Variants in DGKB observed in about 807,000 individuals in gnomAD.
DGKB encodes 90 kDa diacylglycerol kinase.
Under a neutral mutation model 114.3 loss-of-function variants are expected in DGKB, and 67 were observed. That is an observed-to-expected ratio of 0.59 (90% CI 0.48 to 0.72). The LOEUF is 0.72. DGKB is among the 30% of genes least tolerant of loss of function. The pLI is 0.00. For synonymous variants in DGKB, 398 were observed against 323.1 expected, an observed-to-expected ratio of 1.23 and a Z score of -2.49; for missense variants, 907 against 975.2, an observed-to-expected ratio of 0.93 and a Z score of 0.93.
chr7:14,578,205 C>T (rs7792548), intron 19 of DGKB, among the ~76,000 whole-genome samples: 64,131 of 151,950 alleles, frequency 0.42, 14,138 homozygotes, highest in East Asian at 0.58. Context: ...TTCACCTTCA[C>T]GATTGTAAGT....
chr7:14,627,379 G>C (rs1476563073), intron 14 of DGKB, among the ~76,000 whole-genome samples: 4 of 151,970 alleles, frequency 2.6e-5, no homozygotes, highest in Non-Finnish European at 5.9e-5. Context: ...ATAAGTCCCG[G>C]TTTTCACACA....
At chr7:14,508,801 T>G (rs1787519607) in intron 20 of DGKB, among the ~76,000 whole-genome samples, 1 of 151,796 alleles carries the variant, frequency 6.6e-6, no homozygotes, top group South Asian at 2.1e-4. Context: ...TAGTCATGTC[T>G]CTTGACCCCA....
chr7:14,596,382 A>G (rs1802579988), intron 17 of DGKB, among the ~76,000 whole-genome samples: 1 of 152,118 alleles, frequency 6.6e-6, no homozygotes, highest in African/African-American at 2.4e-5. Context: ...CTCCCCTACT[A>G]TACACATATT....
intron 17 of DGKB, among the ~76,000 whole-genome samples, chr7:14,584,017 T>C (rs754127994): frequency 6.6e-6 from 1 of 152,190 alleles, no homozygotes; most frequent in African/African-American, 2.4e-5. Context: ...ATACAAATTT[T>C]CGTACATAAA....
At position 14,338,384 on chromosome 7, in the gene DGKB, C is replaced by A. The variant is rs973000480; in HGVS notation, c.2122+131G>T. The A allele has an allele frequency of 1.8e-5, 9 of 494,566 alleles. No homozygotes were observed. The Admixed American group carries it at 3.6e-4, about 20-fold the overall frequency. The allele number at this position is 494,566 out of a possible 1,614,324, so 30.6% of individuals were successfully genotyped here. A position where few individuals can be genotyped will look rare whatever the true frequency, so the allele number is the denominator to read the frequency against. On this transcript the variant is annotated intron_variant, in intron 23 of 25. Transcript: ENST00000402815. ...ATATAAGTTAATCACACATGGGTAT[C>A]CCATAATATGAAAAATACAACTGTA... is the stretch of plus-strand genomic sequence containing the variant.
At chr7:14,395,823 C>A (rs1822129738) in intron 21 of DGKB, among the ~76,000 whole-genome samples, 1 of 151,762 alleles carries the variant, frequency 6.6e-6, no homozygotes, top group African/African-American at 2.4e-5. Context: ...TCTTGAACAT[C>A]TATATATAAC....
rs1364888019 is a variant in DGKB, at chr7:14,351,097, G to A, written c.1836-5706C>T. ...GAATTTGGACTTGCTTAACTATGCT[G>A]GTTAATGGGAAAGGTTGACTTATAG... On this transcript the variant is annotated intron_variant, in intron 21 of 25. Transcript: ENST00000402815. 2.6e-5 allele frequency among the ~76,000 whole-genome samples: 4 copies of A among 152,268 alleles called. No individual in the cohort carries two copies. The East Asian group carries it at 7.7e-4, about 29-fold the overall frequency.
chr7:14,812,366 A>G (rs1315550217), intron 2 of DGKB, among the ~76,000 whole-genome samples: 1 of 151,916 alleles, frequency 6.6e-6, no homozygotes, highest in African/African-American at 2.4e-5. Flanking sequence ...GTTTTCTTTC[A>G]CTTTAGAATG....
intron 20 of DGKB, among the ~76,000 whole-genome samples, chr7:14,532,923 A>G (rs1372439780): frequency 6.6e-6 from 1 of 151,770 alleles, no homozygotes; most frequent in Non-Finnish European, 1.5e-5. Flanking sequence ...TCAGTCTGTA[A>G]ACTATTCTGC....
At chr7:14,816,415 T>C (rs1027477744) in intron 2 of DGKB, 2 of 152,218 alleles carry the variant, frequency 1.3e-5, no homozygotes, top group Non-Finnish European at 2.9e-5. Context: ...TTGCTGTTTG[T>C]TTTTCTCAAC....
chr7:14,777,873 G>C (rs1048791316), intron 2 of DGKB, among the ~76,000 whole-genome samples: 1 of 152,124 alleles, frequency 6.6e-6, no homozygotes, highest in Non-Finnish European at 1.5e-5. Context: ...TTGCCCTTGA[G>C]CAAGTTTGAA....
intron 1 of DGKB, among the ~76,000 whole-genome samples, chr7:14,863,142 T>C (rs569976626): frequency 2.6e-4 from 40 of 151,832 alleles, no homozygotes; most frequent in African/African-American, 7.9e-4. Context: ...ACCATTTAAA[T>C]TGTATCCCCT....
At chr7:14,161,275 A>T (rs1783844315) in intron 25 of DGKB, among the ~76,000 whole-genome samples, 1 of 152,220 alleles carries the variant, frequency 6.6e-6, no homozygotes, top group African/African-American at 2.4e-5. Flanking sequence ...AGGATCTAGA[A>T]CCAGAAATAC....
intron 22 of DGKB, among the ~76,000 whole-genome samples, chr7:14,339,534 A>G (rs1411268102): frequency 6.6e-6 from 1 of 152,002 alleles, no homozygotes; most frequent in Non-Finnish European, 1.5e-5. Flanking sequence ...ACTAACAAAC[A>G]ATGTTTTGTT....
chr7:14,676,678 T>G (rs2462568), intron 12 of DGKB, among the ~76,000 whole-genome samples: 58,030 of 151,784 alleles, frequency 0.38, 12,886 homozygotes, highest in Non-Finnish European at 0.51. Context: ...CACAGCTGGG[T>G]CCTTCTCAGT....
chr7:14,253,066 G>A (rs1033436280), intron 23 of DGKB, among the ~76,000 whole-genome samples: 3 of 150,692 alleles, frequency 2.0e-5, no homozygotes, highest in South Asian at 2.1e-4. Flanking sequence ...GGGGAGTCTC[G>A]CTGTGTCACC....
At chr7:14,837,233 G>A (rs1782954039) in intron 2 of DGKB, among the ~76,000 whole-genome samples, 1 of 152,134 alleles carries the variant, frequency 6.6e-6, no homozygotes, top group African/African-American at 2.4e-5. Context: ...AGAATACTGT[G>A]CCAGTATCAC....
intron 15 of DGKB, 36 bp downstream of exon 15, chr7:14,621,342 T>C: frequency 7.5e-7 from 1 of 1,324,796 alleles, no homozygotes; most frequent in Non-Finnish European, 1.1e-6. Flanking sequence ...GTATCAAATA[T>C]GAAACCTACT....
At chr7:14,466,466 T>A (rs1045102323) in intron 21 of DGKB, among the ~76,000 whole-genome samples, 16 of 152,140 alleles carry the variant, frequency 1.1e-4, no homozygotes, top group Non-Finnish European at 1.3e-4. Flanking sequence ...AAATGTTTTT[T>A]AAACACAGTG....
Sources: allele counts gnomAD v4.1 joint callset (sites outside exome capture counted in the v4.1 genomes callset), GRCh38; gene constraint gnomAD v4.1.1; transcripts MANE v1.5; gene names NCBI Gene and HGNC (gene_info 2026-07-23, HGNC 2026-07-21).